Variants in PRRC2B observed in about 807,000 individuals in gnomAD.
The protein encoded by PRRC2B is proline rich coiled-coil 2B, also known as protein PRRC2B.
A neutral mutation model predicts 242.3 loss-of-function variants in PRRC2B; 68 were observed. The observed-to-expected ratio is 0.28, with a 90% CI of 0.23 to 0.34. The LOEUF is 0.34. Ranked by LOEUF, PRRC2B falls within the 10% of genes least tolerant of loss-of-function variation. The pLI is 1.00. For missense variants in PRRC2B, 2,835 were observed against 2,954.8 expected (o/e 0.96, Z 0.94); for synonymous variants, 1,228 against 1,173.6 (o/e 1.05, Z -0.95).
At position 131,470,903 on chromosome 9, in the gene PRRC2B, T is replaced by C. The variant is rs765341521; in HGVS notation, c.2027T>C (p.Met676Thr). The change falls in exon 14 of 32, where the codon ATG becomes ACG. Residue 676 changes from methionine to threonine, a missense_variant. By Grantham distance (81) the Met-to-Thr change is moderately conservative. Transcript: ENST00000683519. ...QMLGFDPRWMMMPSYMDPRIT... is the reference protein window; with the variant it reads ...QMLGFDPRWMTMPSYMDPRIT... Reference sequence around the variant, plus strand: ...TTGGGCTTCGATCCCAGGTGGATGATGATGCCTTCCTACATGGACCCACGT... The same window carrying C: ...TTGGGCTTCGATCCCAGGTGGATGACGATGCCTTCCTACATGGACCCACGT... 1 of 1,612,278 alleles carries C rather than the reference T, an allele frequency of 6.2e-7. No homozygotes were observed. The highest frequency in any genetic ancestry group is 1.7e-5 in the Admixed American group (1 of 59,762).
intron 1 of PRRC2B, among the ~76,000 whole-genome samples, chr9:131,401,641 G>C (rs530536649): frequency 6.6e-6 from 1 of 151,576 alleles, no homozygotes; most frequent in African/African-American, 2.4e-5. Context: ...ATGAGCCACC[G>C]TGCCTGGCCT....
Position 131,493,751 on chromosome 9 carries a change from G to A in PRRC2B, c.6474-654G>A, listed in dbSNP as rs567770983. On this transcript the variant is annotated intron_variant, in intron 30 of 31. Coordinates refer to ENST00000683519, the MANE Select transcript of PRRC2B (RefSeq NM_013318.4). ...AAGGGTTCCCTGGTCAGGTCCTTGG[G>A]GGAGTGCTGTCCCCAGGGTGGCCTG... is the stretch of plus-strand genomic sequence containing the variant. Among the ~76,000 whole-genome samples the A allele has an allele frequency of 8.5e-5, 13 of 152,354 alleles. No homozygotes were observed. In the Middle Eastern group the frequency reaches 0.01, roughly 120 times the overall value.
chr9:131,431,648 G>A (rs1486880263), intron 2 of PRRC2B, among the ~76,000 whole-genome samples: 2 of 149,996 alleles, frequency 1.3e-5, no homozygotes, highest in African/African-American at 2.5e-5. Context: ...GTGCAGTGGC[G>A]CAATCTCGGC....
intron 13 of PRRC2B, among the ~76,000 whole-genome samples, chr9:131,469,673 T>G (rs545710122): frequency 2.3e-4 from 35 of 152,302 alleles, no homozygotes; most frequent in African/African-American, 8.4e-4. Context: ...CCTCAGAGTG[T>G]GACGCAGCAG....
At chr9:131,411,491 C>A (rs1055746205) in intron 1 of PRRC2B, among the ~76,000 whole-genome samples, 9 of 151,010 alleles carry the variant, frequency 6.0e-5, no homozygotes, top group Non-Finnish European at 7.4e-5. Flanking sequence ...GGACTACAGG[C>A]GCCTGCCACC....
intron 1 of PRRC2B, among the ~76,000 whole-genome samples, chr9:131,375,331 G>A (rs1208561842): frequency 6.6e-6 from 1 of 151,992 alleles, no homozygotes; most frequent in Admixed American, 6.6e-5. Flanking sequence ...TCCGGGAGGC[G>A]GAGGTTGCAG....
intron 1 of PRRC2B, among the ~76,000 whole-genome samples, chr9:131,420,230 A>G (rs1190110753): frequency 6.6e-6 from 1 of 151,292 alleles, no homozygotes; most frequent in African/African-American, 2.4e-5. Context: ...GTTTCCTCAA[A>G]CCTTATTTTC....
At chr9:131,403,753 T>A (rs1167897999) in intron 1 of PRRC2B, among the ~76,000 whole-genome samples, 1 of 151,886 alleles carries the variant, frequency 6.6e-6, no homozygotes, top group African/African-American at 2.4e-5. Context: ...CCATTATTGA[T>A]AAATTTGCTT....
intron 12 of PRRC2B, among the ~76,000 whole-genome samples, chr9:131,466,485 C>T (rs1323447984): frequency 2.0e-5 from 3 of 152,064 alleles, no homozygotes; most frequent in Admixed American, 6.6e-5. Flanking sequence ...TTGTTTTTTT[C>T]CTCTTTTAAA....
At chr9:131,427,405 A>G (rs1049051444) in intron 1 of PRRC2B, among the ~76,000 whole-genome samples, 1 of 151,944 alleles carries the variant, frequency 6.6e-6, no homozygotes, top group Non-Finnish European at 1.5e-5. Flanking sequence ...ATCTCAGCTC[A>G]CTGCAAGCTC....
chr9:131,494,601 G>C lies in PRRC2B; in HGVS notation c.6555+115G>C. On this transcript the variant is annotated intron_variant, in intron 31 of 31. Coordinates refer to ENST00000683519, the MANE Select transcript of PRRC2B (RefSeq NM_013318.4). The surrounding 1 kb of genome is among the most constrained non-coding windows in gnomAD (Gnocchi z 4.3). ...GCGCCCCCTGTCTAAAGACAGCCAT[G>C]CCCTAGCGGTTAGAGCACAGAACCG... The C allele has an allele frequency of 1.6e-6, 1 of 616,092 alleles. No homozygotes were observed. The highest frequency in any genetic ancestry group is 2.9e-6 in the Non-Finnish European group (1 of 350,176). 38.2% of individuals were successfully genotyped at this position (616,092 alleles called of 1,614,324 possible).
chr9:131,445,401 C>T (rs1001834870), intron 6 of PRRC2B, among the ~76,000 whole-genome samples: 2 of 152,174 alleles, frequency 1.3e-5, no homozygotes, highest in African/African-American at 4.8e-5. Flanking sequence ...TCAGGTGATC[C>T]GCCTGTCTCA....
At chr9:131,409,889 C>A (rs1024956061) in intron 1 of PRRC2B, among the ~76,000 whole-genome samples, 2 of 152,176 alleles carry the variant, frequency 1.3e-5, no homozygotes, top group Non-Finnish European at 1.5e-5. Flanking sequence ...TCAGATTGTA[C>A]AATAAAGAAC....
intron 23 of PRRC2B, 143 bp from the exon 24 acceptor site, chr9:131,484,543 G>C: frequency 1.7e-6 from 1 of 600,284 alleles, no homozygotes; most frequent in Non-Finnish European, 2.9e-6. Context: ...AGGTGCTTTT[G>C]GGAAAAGCCA....
At chr9:131,406,794 C>T (rs1443306136) in intron 1 of PRRC2B, among the ~76,000 whole-genome samples, 2 of 152,050 alleles carry the variant, frequency 1.3e-5, no homozygotes, top group African/African-American at 2.4e-5. Context: ...ACAATACAGG[C>T]GTGTCACAGT....
Position 131,402,650 on chromosome 9 carries a change from C to T in PRRC2B, c.-52+8387C>T, listed in dbSNP as rs376174392. Among the ~76,000 whole-genome samples, 198 of 152,198 alleles carry T rather than the reference C, an allele frequency of 1.3e-3. 1 individual carries two copies. The highest frequency in any genetic ancestry group is 4.2e-3 in the African/African-American group (173 of 41,518). ...GAGAAGGGGGTCTTATAGGAGCCCA[C>T]GCAGAAACCAAGCTCACCTCAGTCT... On this transcript the variant is annotated intron_variant, in intron 1 of 31. Coordinates refer to ENST00000683519, the MANE Select transcript of PRRC2B (RefSeq NM_013318.4).
chr9:131,377,224 T>C (rs1476514077), intron 1 of PRRC2B, among the ~76,000 whole-genome samples: 1 of 152,106 alleles, frequency 6.6e-6, no homozygotes, highest in Non-Finnish European at 1.5e-5. Context: ...AAGTGATTCT[T>C]CTGCTTCAGC....
intron 25 of PRRC2B, among the ~76,000 whole-genome samples, chr9:131,485,383 G>A (rs956647406): frequency 6.6e-6 from 1 of 152,238 alleles, no homozygotes; most frequent in Admixed American, 6.5e-5. Flanking sequence ...CTGGTGACAG[G>A]AGCGAGCAAA....
rs112889393 is a variant in PRRC2B at position 131,475,787 on chromosome 9, G to A, written c.3658G>A (p.Val1220Ile). 5.1e-4 allele frequency: 815 copies of A among 1,613,328 alleles called. 5 individuals carry two copies. The African/African-American group carries it at 9.5e-3, about 19-fold the overall frequency. The change falls in exon 16 of 32, where the codon GTC (valine) becomes ATC (isoleucine). Residue 1220 changes from valine to isoleucine, a missense_variant. Val to Ile is a conservative substitution (Grantham distance 29). This residue lies in a region of PRRC2B where 1,536 missense variants were observed against 1,483.1 expected (regional missense o/e 1.04). Coordinates refer to ENST00000683519, the MANE Select transcript of PRRC2B (RefSeq NM_013318.4). ...TTGCGGGTATGGACGGAGAACCTTC[G>A]TCTCCAAAGAGTCACCCCACTGGCA... ...SNCGYGRRTF[V>I]SKESPHWQSK... is the part of the protein sequence containing the mutation.
Sources: allele counts gnomAD v4.1 joint callset (sites outside exome capture counted in the v4.1 genomes callset), GRCh38; gene constraint gnomAD v4.1.1; regional missense constraint gnomAD v4.1.1; non-coding constraint Gnocchi (gnomAD v3.1); transcripts MANE v1.5; gene names NCBI Gene and HGNC (gene_info 2026-07-23, HGNC 2026-07-21).